Variants in ME1 observed in about 807,000 individuals in gnomAD.
The protein encoded by ME1 is malic enzyme 1, also known as NADP-dependent malic enzyme.
ME1 carries 74 observed loss-of-function variants against 66.4 expected under a neutral mutation model. The ratio of observed to expected loss-of-function variants is 1.11; its 90% CI spans 0.92 to 1.35. The LOEUF is 1.35. Ranked by LOEUF, ME1 falls within the 40% of genes most tolerant of loss-of-function variation. The pLI, the probability that ME1 is intolerant of heterozygous loss-of-function variation, is 0.00. For synonymous variants in ME1, 251 were observed against 235.6 expected (o/e 1.07, Z -0.60); for missense variants, 750 against 694.1 (o/e 1.08, Z -0.90).
intron 1 of ME1, among the ~76,000 whole-genome samples, chr6:83,415,188 G>A (rs1271715629): frequency 6.6e-6 from 1 of 152,090 alleles, no homozygotes; most frequent in Non-Finnish European, 1.5e-5. Flanking sequence ...ATCCTCTATT[G>A]TGTCTTGATT....
chr6:83,233,415 G>A, intron 9 of ME1, among the ~76,000 whole-genome samples: 1 of 151,984 alleles, frequency 6.6e-6, no homozygotes, highest in Non-Finnish European at 1.5e-5. Context: ...AATTAACCTT[G>A]GTGATATGGA....
chr6:83,242,158 G>A (rs574755011), intron 7 of ME1, among the ~76,000 whole-genome samples: 16 of 152,074 alleles, frequency 1.1e-4, no homozygotes, highest in Non-Finnish European at 2.4e-4. Context: ...GAGCCACTGA[G>A]CCCCGCCTGT....
chr6:83,304,251 T>C (rs1767784731), intron 6 of ME1, among the ~76,000 whole-genome samples: 1 of 152,194 alleles, frequency 6.6e-6, no homozygotes, highest in South Asian at 2.1e-4. Flanking sequence ...GTGCAAGTTT[T>C]ACTTATCACA....
chr6:83,342,633 G>A (rs1325502377), intron 5 of ME1, among the ~76,000 whole-genome samples: 7 of 152,126 alleles, frequency 4.6e-5, no homozygotes, highest in Admixed American at 3.3e-4. Flanking sequence ...TACATGCATG[G>A]AACGTGTAAT....
rs1768921889 is a variant in ME1, at chr6:83,357,902, C to CTCTCTCTCTCTCTCTCTCTCT, written c.363-5764_363-5763insAGAGAGAGAGAGAGAGAGAGA. 9.5e-4 allele frequency among the ~76,000 whole-genome samples: 30 copies of CTCTCTCTCTCTCTCTCTCTCT among 31,552 alleles called. 3 individuals are homozygous for CTCTCTCTCTCTCTCTCTCTCT. Among genetic ancestry groups the CTCTCTCTCTCTCTCTCTCTCT allele is most frequent in the South Asian group, 5.3e-3 (3 of 566 alleles). 20.7% of individuals were successfully genotyped at this position (31,552 alleles called of 152,430 possible). On this transcript the variant is annotated intron_variant, in intron 3 of 13. Transcript: ENST00000369705. The stretch of plus-strand genomic sequence containing the variant: ...TGTTAGTTAATACTTAATAAACTCC[C>CTCTCTCTCTCTCTCTCTCTCT]CTCTCTCTCTCTCTCTCTCTCTCTC...
intron 12 of ME1, 75 bp downstream of exon 12, chr6:83,223,685 T>G: frequency 7.2e-7 from 1 of 1,385,746 alleles, no homozygotes; most frequent in South Asian, 1.3e-5. Flanking sequence ...GCTAGATAAA[T>G]AAAACATTAG....
At chr6:83,315,780 C>T (rs1387777212) in intron 5 of ME1, among the ~76,000 whole-genome samples, 1 of 151,980 alleles carries the variant, frequency 6.6e-6, no homozygotes, top group South Asian at 2.1e-4. Context: ...ATCTGTAGTC[C>T]CAGCTATTTG....
intron 2 of ME1, among the ~76,000 whole-genome samples, chr6:83,402,324 T>C (rs544290646): frequency 2.0e-5 from 3 of 152,194 alleles, no homozygotes; most frequent in Admixed American, 1.3e-4. Flanking sequence ...GGGGTGGAAA[T>C]GGAAATGGCA....
chr6:83,366,225 C>T (rs990884327), intron 3 of ME1, among the ~76,000 whole-genome samples: 7 of 152,108 alleles, frequency 4.6e-5, no homozygotes, highest in African/African-American at 1.4e-4. Context: ...GGCATCTGTC[C>T]AATACCTCCA....
At chr6:83,264,159 C>T (rs773005932) in intron 6 of ME1, among the ~76,000 whole-genome samples, 1 of 152,170 alleles carries the variant, frequency 6.6e-6, no homozygotes, top group Non-Finnish European at 1.5e-5. Context: ...TAAATAGACT[C>T]TGTCTGTGCT....
At chr6:83,320,607 A>G (rs758176331) in intron 5 of ME1, among the ~76,000 whole-genome samples, 1 of 152,236 alleles carries the variant, frequency 6.6e-6, no homozygotes, top group Non-Finnish European at 1.5e-5. Flanking sequence ...ATGTGCTACT[A>G]ATGGCTGCCA....
At chr6:83,419,599 C>T (rs563211238) in intron 1 of ME1, among the ~76,000 whole-genome samples, 19 of 152,252 alleles carry the variant, frequency 1.2e-4, no homozygotes, top group Admixed American at 4.6e-4. Flanking sequence ...AACCAGCTAG[C>T]CCAGACACAG....
At position 83,223,801 on chromosome 6, in the gene ME1, A is replaced by G; in HGVS notation, c.1408T>C (p.Leu470=). The G allele has an allele frequency of 6.2e-7, 1 of 1,613,930 alleles. No homozygotes were observed. The highest frequency in any genetic ancestry group is 8.5e-7 in the Non-Finnish European group (1 of 1,179,852). Residue 470 remains leucine (L), a synonymous_variant, in exon 12 of 14, where the codon TTG becomes CTG. Coordinates refer to ENST00000369705, the MANE Select transcript of ME1 (RefSeq NM_002395.6). The part of the protein sequence containing the change: ...GVALGVVACG[L]RQITDNIFLT... ...AAAATATTATCTGTGATCTGCCTCA[A>G]TCCACACGCCACAACACCAAGAGCA...
Position 83,392,838 on chromosome 6 carries a change from C to T in ME1, c.362+5529G>A, listed in dbSNP as rs1046535862. ...TGGGTGTGAACCATGAGAAATATGA[C>T]AACAGCTCAAGATTATCAGCAATGC... On this transcript the variant is annotated intron_variant, in intron 3 of 13. Transcript: ENST00000369705. 1.2e-4 allele frequency: 92 copies of T among 753,434 alleles called. 1 individual carries two copies. Among genetic ancestry groups the T allele is most frequent in the South Asian group, 1.2e-3 (91 of 75,026 alleles). The allele number at this position is 753,434 out of a possible 1,614,324, so 46.7% of individuals were successfully genotyped here.
chr6:83,393,147 C>T (rs1769657912), intron 3 of ME1: 1 of 1,333,848 alleles, frequency 7.5e-7, no homozygotes. Context: ...GACCTGCCGT[C>T]TGGAAAAACC....
chr6:83,392,970 G>A (rs1769654099), intron 3 of ME1: 2 of 845,030 alleles, frequency 2.4e-6, no homozygotes, highest in African/African-American at 1.6e-5. Flanking sequence ...GACTATGGAT[G>A]GCTCCTATGG....
chr6:83,212,512 A>C (rs1789911541), intron 13 of ME1, among the ~76,000 whole-genome samples: 1 of 152,198 alleles, frequency 6.6e-6, no homozygotes, highest in Admixed American at 6.5e-5. Context: ...CCTGTACCCC[A>C]GGGTCTCCTG....
Position 83,248,247 on chromosome 6 carries a change from A to G in ME1, c.814+5382T>C, listed in dbSNP as rs1164111764. On this transcript the variant is annotated intron_variant, in intron 7 of 13. Coordinates refer to ENST00000369705, the MANE Select transcript of ME1 (RefSeq NM_002395.6). Reference sequence around the variant, plus strand: ...TAACTCTGCATGATAATTAGAAATTATTTAATACTGGTCTTTAACTTTGTA... The same window carrying G: ...TAACTCTGCATGATAATTAGAAATTGTTTAATACTGGTCTTTAACTTTGTA... Among the ~76,000 whole-genome samples the G allele has an allele frequency of 1.3e-5, 2 of 152,326 alleles. 1 individual carries two copies. Among genetic ancestry groups the G allele is most frequent in the African/African-American group, 4.8e-5 (2 of 41,574 alleles).
chr6:83,287,517 T>C (rs896700807), intron 6 of ME1, among the ~76,000 whole-genome samples: 1 of 152,140 alleles, frequency 6.6e-6, no homozygotes, highest in Non-Finnish European at 1.5e-5. Context: ...TATTCCAGAG[T>C]ATATATGTGC....
Sources: gnomAD v4.1 joint callset for allele counts (sites outside exome capture counted in the v4.1 genomes callset) on GRCh38, gnomAD v4.1.1 for gene constraint, MANE v1.5 for transcripts, NCBI Gene and HGNC (gene_info 2026-07-23, HGNC 2026-07-21) for gene names.